The following OPCML variants were observed in gnomAD, a reference collection of about 807,000 sequenced individuals.
The protein encoded by OPCML is opioid binding protein/cell adhesion molecule like, also known as opioid-binding protein/cell adhesion molecule.
OPCML carries 13 observed loss-of-function variants against 37.8 expected under a neutral mutation model. The observed-to-expected ratio is 0.34, with a 90% CI of 0.22 to 0.55. OPCML has a LOEUF of 0.55. Ranked by LOEUF, OPCML falls within the 20% of genes least tolerant of loss-of-function variation. OPCML has a pLI of 0.91. For synonymous variants in OPCML, 176 were observed against 168.8 expected, an observed-to-expected ratio of 1.04 and a Z score of -0.33; for missense variants, 341 against 435.6, an observed-to-expected ratio of 0.78 and a Z score of 1.93.
At chr11:133,430,380 A>C (rs1565629695) in intron 1 of OPCML, among the ~76,000 whole-genome samples, 1 of 152,256 alleles carries the variant, frequency 6.6e-6, no homozygotes, top group East Asian at 1.9e-4. Context: ...TTGGAAAACA[A>C]AATTGAAATA....
intron 1 of OPCML, among the ~76,000 whole-genome samples, chr11:133,356,257 T>A (rs1944286631): frequency 6.6e-6 from 1 of 152,356 alleles, no homozygotes; most frequent in East Asian, 1.9e-4. Flanking sequence ...GGTTGGAACA[T>A]AGAACTAACA....
intron 2 of OPCML, among the ~76,000 whole-genome samples, chr11:132,864,117 T>C (rs1703331533): frequency 6.6e-6 from 1 of 151,924 alleles, no homozygotes; most frequent in Non-Finnish European, 1.5e-5. Context: ...TTTATATTTT[T>C]AGTAGAGACG....
chr11:133,242,278 G>T (rs1940759718), intron 1 of OPCML, among the ~76,000 whole-genome samples: 1 of 152,166 alleles, frequency 6.6e-6, no homozygotes, highest in Non-Finnish European at 1.5e-5. Context: ...GCGGCAAAGT[G>T]ATATTCTAAA....
intron 4 of OPCML, among the ~76,000 whole-genome samples, chr11:132,465,430 A>G (rs2096116545): frequency 6.6e-6 from 1 of 152,184 alleles, no homozygotes; most frequent in Non-Finnish European, 1.5e-5. Flanking sequence ...GTAATTTGCA[A>G]TGAATTGATT....
intron 2 of OPCML, among the ~76,000 whole-genome samples, chr11:132,864,998 T>C (rs1425667431): frequency 1.3e-5 from 2 of 152,256 alleles, no homozygotes; most frequent in African/African-American, 2.4e-5. Flanking sequence ...CAGAGGGCGA[T>C]AGAGCCGGCA....
chr11:132,435,047 A>C (rs983118273), intron 7 of OPCML: 4 of 534,180 alleles, frequency 7.5e-6, no homozygotes. Flanking sequence ...TATCTACCTC[A>C]GAGACATAAA....
intron 2 of OPCML, among the ~76,000 whole-genome samples, chr11:132,839,044 G>A (rs1387514463): frequency 6.6e-6 from 1 of 152,226 alleles, no homozygotes. Context: ...CTGGCCTCGG[G>A]AGGAAACAAG....
intron 1 of OPCML, among the ~76,000 whole-genome samples, chr11:133,426,963 A>T (rs1946015643): frequency 6.6e-6 from 1 of 152,234 alleles, no homozygotes; most frequent in South Asian, 2.1e-4. Context: ...TATGCAAAAA[A>T]TATAAAAATC....
At chr11:133,520,274 G>C (rs1253200792) in intron 1 of OPCML, among the ~76,000 whole-genome samples, 1 of 152,090 alleles carries the variant, frequency 6.6e-6, no homozygotes, top group Non-Finnish European at 1.5e-5. Context: ...GCCATTTTCA[G>C]AACTACAGGC....
chr11:133,198,694 A>T (rs1408014729), intron 1 of OPCML, among the ~76,000 whole-genome samples: 2 of 152,190 alleles, frequency 1.3e-5, no homozygotes, highest in Non-Finnish European at 2.9e-5. Context: ...AGACCATGGG[A>T]GTGTGATGGG....
chr11:133,484,830 C>T (rs2120380755), intron 1 of OPCML, among the ~76,000 whole-genome samples: 1 of 152,154 alleles, frequency 6.6e-6, no homozygotes, highest in East Asian at 1.9e-4. Context: ...AGGGAAATTA[C>T]TTTCTTGGCA....
intron 2 of OPCML, among the ~76,000 whole-genome samples, chr11:132,700,721 A>G (rs899766126): frequency 2.0e-5 from 3 of 152,166 alleles, no homozygotes; most frequent in Non-Finnish European, 4.4e-5. Context: ...GTCGTGGGGA[A>G]TATTCCATGT....
At chr11:132,852,971 C>A (rs1941884320) in intron 2 of OPCML, among the ~76,000 whole-genome samples, 1 of 150,910 alleles carries the variant, frequency 6.6e-6, no homozygotes, top group Non-Finnish European at 1.5e-5. Context: ...AAAATATTTT[C>A]TTTCTGGTCC....
chr11:133,302,805 T>C (rs1484461987), intron 1 of OPCML, among the ~76,000 whole-genome samples: 1 of 152,206 alleles, frequency 6.6e-6, no homozygotes, highest in Non-Finnish European at 1.5e-5. Context: ...TTCTTATGAA[T>C]TGAGCTGATT....
At chr11:133,121,144 C>T (rs1021837292) in intron 1 of OPCML, among the ~76,000 whole-genome samples, 1 of 152,138 alleles carries the variant, frequency 6.6e-6, no homozygotes, top group African/African-American at 2.4e-5. Flanking sequence ...GTCTCAAACT[C>T]CTGACCTGAA....
chr11:133,097,715 G>C (rs1949025033), intron 1 of OPCML, among the ~76,000 whole-genome samples: 1 of 152,084 alleles, frequency 6.6e-6, no homozygotes, highest in Non-Finnish European at 1.5e-5. Flanking sequence ...ACATTAAAAG[G>C]ATAGTAAAGA....
intron 1 of OPCML, among the ~76,000 whole-genome samples, chr11:133,479,744 C>T (rs1441943464): frequency 6.6e-6 from 1 of 152,190 alleles, no homozygotes; most frequent in African/African-American, 2.4e-5. Context: ...GGAACCAGCT[C>T]CACACCACAG....
At chr11:133,484,699 A>G (rs949377077) in intron 1 of OPCML, among the ~76,000 whole-genome samples, 1 of 152,192 alleles carries the variant, frequency 6.6e-6, no homozygotes, top group African/African-American at 2.4e-5. Flanking sequence ...AATAATAGTA[A>G]AATAGAATTT....
At chr11:132,643,003 G>T (rs1255066357) in intron 3 of OPCML, among the ~76,000 whole-genome samples, 1 of 152,184 alleles carries the variant, frequency 6.6e-6, no homozygotes, top group East Asian at 1.9e-4. Context: ...AGTTCTCAGT[G>T]GTGGTGTGGA....
Sources: gnomAD v4.1 joint callset for allele counts (sites outside exome capture counted in the v4.1 genomes callset) on GRCh38, gnomAD v4.1.1 for gene constraint, MANE v1.5 for transcripts, NCBI Gene and HGNC (gene_info 2026-07-23, HGNC 2026-07-21) for gene names.